Variants in PRPF40B observed in about 807,000 individuals in gnomAD.
The protein encoded by PRPF40B is pre-mRNA processing factor 40B, also known as pre-mRNA-processing factor 40 homolog B.
In PRPF40B, 56 loss-of-function variants were observed where a neutral mutation model predicts 124.5. The observed-to-expected ratio is 0.45, with a 90% CI of 0.36 to 0.56. The LOEUF is 0.56. Ranked by LOEUF, PRPF40B falls within the 20% of genes least tolerant of loss-of-function variation. PRPF40B has a pLI of 0.00. For missense variants in PRPF40B, 1,053 were observed against 1,169.5 expected, an observed-to-expected ratio of 0.90 and a Z score of 1.45; for synonymous variants, 443 against 426.4, an observed-to-expected ratio of 1.04 and a Z score of -0.48.
chr12:49,637,393 A>G, intron 16 of PRPF40B, 77 bp from the exon 17 acceptor site: 3 of 978,450 alleles, frequency 3.1e-6, no homozygotes, highest in Non-Finnish European at 4.8e-6. Flanking sequence ...TTCCTCTGCC[A>G]TTCCCTCTCT....
rs1941127624 is a variant in PRPF40B, at chr12:49,630,609, T to G, written c.68T>G (p.Met23Arg). Residue 23 changes from methionine to arginine, a missense_variant, in exon 2 of 26, where the codon ATG becomes AGG. By Grantham distance (91) the Met-to-Arg change is moderately conservative. Transcript: ENST00000548825. ...APAPFPPGPP[M>R]MPPPFMPPPG... Reference sequence around the variant, plus strand: ...GCCCCCTTCCCACCGGGGCCCCCCATGATGCCACCACCCTTCGTAAGTTTT... The same window carrying G: ...GCCCCCTTCCCACCGGGGCCCCCCAGGATGCCACCACCCTTCGTAAGTTTT... 6 of 1,315,706 alleles carry G rather than the reference T, an allele frequency of 4.6e-6. No individual in the cohort carries two copies. Among genetic ancestry groups the G allele is most frequent in the Non-Finnish European group, 6.6e-6 (6 of 909,832 alleles). 81.5% of individuals were successfully genotyped at this position (1,315,706 alleles called of 1,614,324 possible).
chr12:49,641,846 T>G, intron 18 of PRPF40B, 62 bp from the exon 19 acceptor site: 2 of 1,408,696 alleles, frequency 1.4e-6, no homozygotes, highest in East Asian at 4.6e-5. Flanking sequence ...GTGACCACTC[T>G]GCCTGCCAGC....
At chr12:49,639,437 G>C (rs1227480834) in intron 18 of PRPF40B, 1 of 152,370 alleles carries the variant, frequency 6.6e-6, no homozygotes, top group Admixed American at 6.5e-5. Flanking sequence ...GGCTGTGCAG[G>C]AATCTTGTAG....
chr12:49,636,903 C>A, intron 16 of PRPF40B, 54 bp downstream of exon 16: 1 of 1,608,734 alleles, frequency 6.2e-7, no homozygotes, highest in Non-Finnish European at 8.5e-7. Flanking sequence ...AGAGCACAAC[C>A]TCTTCACCCA....
rs1941692156 is a variant in PRPF40B at position 49,635,532 on chromosome 12, G to T, written c.1275+59G>T. On this transcript the variant is annotated intron_variant, in intron 14 of 25. Coordinates refer to ENST00000548825, the MANE Select transcript of PRPF40B (RefSeq NM_001031698.3). This position sits in a 1 kb window ranked among gnomAD's most constrained non-coding sequence, Gnocchi z 4.1. ...CTCATCCTGGACTTTCCTTGTCTTT[G>T]CTTTGTTATGGACCCTCGCCATTTA... is the stretch of plus-strand genomic sequence containing the variant. 1.3e-6 allele frequency: 2 copies of T among 1,493,516 alleles called. No individual in the cohort carries two copies. Among genetic ancestry groups the T allele is most frequent in the African/African-American group, 1.4e-5 (1 of 71,862 alleles). 92.5% of individuals were successfully genotyped at this position (1,493,516 alleles called of 1,614,324 possible). A position where few individuals can be genotyped will look rare whatever the true frequency, so the allele number is the denominator to read the frequency against.
chr12:49,636,860 T>A lies in PRPF40B; in HGVS notation c.1560+11T>A. ...CGGGAGGCCTTCCAGGTATCTTTGC[T>A]GTCCTTTCTAGATCAGAGCTCAGCT... is the stretch of plus-strand genomic sequence containing the variant. On this transcript the variant is annotated intron_variant, in intron 16 of 25. Transcript: ENST00000548825. 6.2e-7 allele frequency: 1 copy of A among 1,613,440 alleles called. No homozygotes were observed. Among genetic ancestry groups the A allele is most frequent in the Non-Finnish European group, 8.5e-7 (1 of 1,179,968 alleles).
In PRPF40B at chr12:49,643,998, G is replaced by A; in HGVS notation, c.2580G>A (p.Lys860=). 1 of 1,614,014 alleles carries A rather than the reference G, an allele frequency of 6.2e-7. No individual in the cohort carries two copies. The change falls in exon 25 of 26, where the codon AAG becomes AAA. Residue 860 remains lysine, a synonymous_variant. Coordinates refer to ENST00000548825, the MANE Select transcript of PRPF40B (RefSeq NM_001031698.3). The part of the protein sequence containing the change: ...PNRSPGFGIK[K]EKTGWDTSES... The stretch of plus-strand genomic sequence containing the variant: ...GTTCCCCAGGCTTTGGAATCAAGAA[G>A]GAGAAGGTGAGGGGCAGGGGCCCTA...
chr12:49,636,053 C>T, intron 15 of PRPF40B, 60 bp downstream of exon 15: 1 of 1,592,686 alleles, frequency 6.3e-7, no homozygotes, highest in South Asian at 1.1e-5. Flanking sequence ...ACCTGGGACC[C>T]CAGAGTCTGC....
intron 1 of PRPF40B, among the ~76,000 whole-genome samples, chr12:49,625,764 C>T (rs1178755349): frequency 1.3e-5 from 2 of 152,220 alleles, no homozygotes; most frequent in African/African-American, 4.8e-5. Context: ...GCAACCATTT[C>T]TATATCCTTC....
At chr12:49,637,407 C>T in intron 16 of PRPF40B, 63 bp from the exon 17 acceptor site, 5 of 1,135,494 alleles carry the variant, frequency 4.4e-6, no homozygotes, top group Non-Finnish European at 6.6e-6. Flanking sequence ...CCTCTCTTCC[C>T]CCTCAGTCTG....
At chr12:49,622,881 A>G (rs1206290244), upstream of PRPF40B, 3 of 152,314 alleles carry the variant, frequency 2.0e-5, no homozygotes, top group Non-Finnish European at 4.4e-5. Context: ...TCCAGGTTAC[A>G]GTTTCCTCAG....
upstream of PRPF40B, among the ~76,000 whole-genome samples, chr12:49,623,049 T>C (rs1940342885): frequency 1.3e-5 from 2 of 150,736 alleles, no homozygotes; most frequent in South Asian, 2.1e-4. Context: ...TTTCGGGGAT[T>C]TGTCTTTTTT....
chr12:49,634,502 G>C, intron 11 of PRPF40B, 36 bp from the exon 12 acceptor site: 1 of 1,614,200 alleles, frequency 6.2e-7, no homozygotes, highest in Non-Finnish European at 8.5e-7. Context: ...GGCTGGAGCG[G>C]GGCAGGCCCC....
At chr12:49,627,501 A>G (rs1044389664) in intron 1 of PRPF40B, among the ~76,000 whole-genome samples, 3 of 151,798 alleles carry the variant, frequency 2.0e-5, no homozygotes, top group African/African-American at 7.3e-5. Context: ...GGCAGGGCCA[A>G]CCCAGTTTTC....
chr12:49,636,236 G>A (rs1336891891), intron 15 of PRPF40B, among the ~76,000 whole-genome samples: 1 of 152,172 alleles, frequency 6.6e-6, no homozygotes, highest in African/African-American at 2.4e-5. Context: ...GAAGAGCTCT[G>A]GGATAGGAAT....
In PRPF40B at chr12:49,642,987, C is replaced by T. The variant is rs1454294610; in HGVS notation, c.2176C>T (p.His726Tyr). 1.2e-6 allele frequency: 2 copies of T among 1,613,864 alleles called. No individual in the cohort carries two copies. Among genetic ancestry groups the T allele is most frequent in the South Asian group, 1.1e-5 (1 of 91,008 alleles). ...AAAGCATGGCAGGAAAGGCAAGAAG[C>T]ACCATCACAAGCGTTCCCACTCACC... is the stretch of plus-strand genomic sequence containing the variant. The part of the protein sequence containing the change: ...GRKHGRKGKK[H>Y]HHKRSHSPSG... The change falls in exon 22 of 26, where the codon CAC becomes TAC. Residue 726 changes from histidine to tyrosine, a missense_variant. Physicochemically the swap from His to Tyr is moderately conservative, Grantham distance 83. Around this residue, in one of 2 missense-constraint regions of PRPF40B, gnomAD observed 895 missense variants for 1,052.2 expected, o/e 0.85. Transcript: ENST00000548825. The surrounding 1 kb of genome is among the most constrained non-coding windows in gnomAD (Gnocchi z 5.8).
intron 17 of PRPF40B, 27 bp from the exon 18 acceptor site, chr12:49,637,706 C>T: frequency 6.6e-7 from 1 of 1,522,544 alleles, no homozygotes; most frequent in Non-Finnish European, 9.0e-7. Flanking sequence ...TGCCGCCCGC[C>T]AGGCCCCCCT....
chr12:49,635,425 A>G lies in PRPF40B; in HGVS notation c.1227A>G (p.Arg409=), dbSNP rs1304910516. Residue 409 remains arginine, a synonymous_variant, in exon 14 of 26, where the codon CGA becomes CGG. Transcript: ENST00000548825. This position sits in a 1 kb window ranked among gnomAD's most constrained non-coding sequence, Gnocchi z 4.1. ...GGGCTGTGGTCCCTGAGAGGGATCG[A>G]AAAGAGGTTTATGATGATGTCCTCT... ...EVWAVVPERD[R]KEVYDDVLFF... is the part of the protein sequence containing the mutation. The G allele has an allele frequency of 6.2e-7, 1 of 1,614,052 alleles. No homozygotes were observed. Among genetic ancestry groups the G allele is most frequent in the East Asian group, 2.2e-5 (1 of 44,870 alleles).
chr12:49,624,845 C>CA (rs74552039), intron 1 of PRPF40B, among the ~76,000 whole-genome samples: 8,111 of 88,624 alleles, frequency 0.092, 320 homozygotes, highest in African/African-American at 0.14. Context: ...AGCTCTGTCT[C>CA]AAAAAAAAAA....
Sources: gnomAD v4.1 joint callset for allele counts (sites outside exome capture counted in the v4.1 genomes callset) on GRCh38, gnomAD v4.1.1 for gene constraint, gnomAD v4.1.1 regional missense constraint, Gnocchi (gnomAD v3.1) non-coding constraint, MANE v1.5 for transcripts, NCBI Gene and HGNC (gene_info 2026-07-23, HGNC 2026-07-21) for gene names.